IFT80: variants seen among roughly 807,000 people sequenced by gnomAD.
IFT80 encodes the protein intraflagellar transport protein 80 homolog.
In IFT80, 79 loss-of-function variants were observed where a neutral mutation model predicts 107.9. The ratio of observed to expected loss-of-function variants is 0.73; its 90% CI spans 0.61 to 0.88. IFT80 has a LOEUF of 0.88. IFT80 is among the 40% of genes least tolerant of loss of function. The pLI is 0.00. For missense variants in IFT80, 797 were observed against 914.2 expected, an observed-to-expected ratio of 0.87 and a Z score of 1.65; for synonymous variants, 299 against 300.9, an observed-to-expected ratio of 0.99 and a Z score of 0.07.
At chr3:160,390,341 C>T (rs1207214081) in intron 1 of IFT80, among the ~76,000 whole-genome samples, 2 of 151,054 alleles carry the variant, frequency 1.3e-5, no homozygotes, top group South Asian at 2.1e-4. Flanking sequence ...CGCTTGAACC[C>T]GGGAGGCAGA....
rs528282782 is a variant in IFT80, at chr3:160,381,071, C to CA, written c.259+431dup. Among the ~76,000 whole-genome samples, 593 of 150,196 alleles carry CA rather than the reference C, an allele frequency of 3.9e-3. 1 individual carries two copies. Among genetic ancestry groups the CA allele is most frequent in the East Asian group, 0.024 (122 of 5,132 alleles). On this transcript the variant is annotated intron_variant, in intron 3 of 19. Coordinates refer to ENST00000326448, the MANE Select transcript of IFT80 (RefSeq NM_020800.3). ...GCAACAAGATGAGACCCTGTCTCTA[C>CA]AAAAAAAATGTTTTAATTAACCAGA...
At position 160,282,570 on chromosome 3, in the gene IFT80, T is replaced by C. The variant is rs1714768212; in HGVS notation, c.1424A>G (p.Asn475Ser). ...ATCAATGAAAGCAATTTTTCTATCA[T>C]TGGTAAGTCCTTTTTGATCCAGAGC... The part of the protein sequence containing the change: ...EIALDQKGLT[N>S]DRKIAFIDKN... Residue 475 changes from asparagine to serine, a missense_variant, in exon 14 of 20, where the codon AAT becomes AGT. Asn to Ser is a conservative substitution (Grantham distance 46). Transcript: ENST00000326448. The C allele has an allele frequency of 3.1e-6, 5 of 1,593,320 alleles. No individual in the cohort carries two copies. The highest frequency in any genetic ancestry group is 1.7e-4 in the Middle Eastern group (1 of 5,764).
At position 160,336,801 on chromosome 3, in the gene IFT80, C is replaced by T. The variant is rs538517425; in HGVS notation, c.778-16862G>A. Among the ~76,000 whole-genome samples the T allele has an allele frequency of 1.2e-4, 18 of 152,208 alleles. No individual in the cohort carries two copies. In the South Asian group the frequency reaches 3.5e-3, roughly 30 times the overall value. On this transcript the variant is annotated intron_variant, in intron 8 of 19. Coordinates refer to ENST00000326448, the MANE Select transcript of IFT80 (RefSeq NM_020800.3). ...TGTTCTATTTGCTCTCTCTCTTTTT[C>T]TGGGATATATTTTAGTATTCAGGAA...
chr3:160,388,896 G>T (rs890907457), intron 1 of IFT80, among the ~76,000 whole-genome samples: 7 of 152,156 alleles, frequency 4.6e-5, no homozygotes, highest in Admixed American at 4.6e-4. Flanking sequence ...TACAAGCCTA[G>T]TAATGAGGAC....
intron 19 of IFT80, among the ~76,000 whole-genome samples, chr3:160,261,852 G>C (rs545869931): frequency 6.6e-6 from 1 of 151,394 alleles, no homozygotes. Flanking sequence ...AGACCCATGT[G>C]TATATCTGGA....
intron 1 of IFT80, among the ~76,000 whole-genome samples, chr3:160,389,481 TC>T (rs1433165291): frequency 3.0e-5 from 2 of 66,412 alleles, no homozygotes; most frequent in African/African-American, 1.3e-4. Context: ...CCCTCCCCCC[TC>T]CCCCCACCCC....
At chr3:160,259,511 G>A (rs1712648728) in intron 19 of IFT80, among the ~76,000 whole-genome samples, 1 of 152,172 alleles carries the variant, frequency 6.6e-6, no homozygotes, top group Non-Finnish European at 1.5e-5. Context: ...CTTAAAGTAA[G>A]ACATGGTGGT....
At chr3:160,292,147 C>T (rs1715610589) in intron 12 of IFT80, among the ~76,000 whole-genome samples, 1 of 152,224 alleles carries the variant, frequency 6.6e-6, no homozygotes, top group African/African-American at 2.4e-5. Context: ...GATGCCGAGT[C>T]CGCACTGGGC....
At chr3:160,351,545 CATATATTATATGTATATATATAT>C (rs1720697891) in intron 8 of IFT80, among the ~76,000 whole-genome samples, 1 of 145,744 alleles carries the variant, frequency 6.9e-6, no homozygotes, top group African/African-American at 2.5e-5. Flanking sequence ...TATATATACA[CATATATTATATGTATATATATAT>C]ACACACATAT....
chr3:160,366,446 A>G (rs1046941388), intron 5 of IFT80, among the ~76,000 whole-genome samples: 1 of 152,068 alleles, frequency 6.6e-6, no homozygotes, highest in African/African-American at 2.4e-5. Flanking sequence ...CTATTGAAAT[A>G]CATAAGATAA....
intron 18 of IFT80, among the ~76,000 whole-genome samples, chr3:160,275,842 T>A (rs1319577148): frequency 6.6e-6 from 1 of 152,190 alleles, no homozygotes. Flanking sequence ...ATATTCACAC[T>A]GTCTAAACTA....
At chr3:160,397,816 G>A (rs1193340655) in intron 1 of IFT80, among the ~76,000 whole-genome samples, 1 of 149,014 alleles carries the variant, frequency 6.7e-6, no homozygotes, top group Non-Finnish European at 1.5e-5. Flanking sequence ...CCGCCTCCCG[G>A]GTTCAAGAGA....
At chr3:160,306,402 C>T (rs1716830820) in intron 10 of IFT80, among the ~76,000 whole-genome samples, 1 of 152,134 alleles carries the variant, frequency 6.6e-6, no homozygotes, top group South Asian at 2.1e-4. Flanking sequence ...AAACACTGAA[C>T]TGAAAAGATC....
intron 13 of IFT80, among the ~76,000 whole-genome samples, chr3:160,284,751 G>C (rs888690372): frequency 6.6e-6 from 1 of 152,124 alleles, no homozygotes; most frequent in Admixed American, 6.5e-5. Context: ...GGTTGGGAAA[G>C]CACTTTATGT....
chr3:160,305,328 A>G (rs1332944625), intron 10 of IFT80, among the ~76,000 whole-genome samples: 2 of 152,210 alleles, frequency 1.3e-5, no homozygotes, highest in Non-Finnish European at 2.9e-5. Context: ...TAATCATTTC[A>G]GTAAGTAAAT....
At chr3:160,350,932 A>G (rs977682518) in intron 8 of IFT80, among the ~76,000 whole-genome samples, 4 of 152,230 alleles carry the variant, frequency 2.6e-5, no homozygotes, top group Non-Finnish European at 5.9e-5. Context: ...AGAAGGCTGA[A>G]TTACATGATT....
chr3:160,304,036 A>G (rs767716041), intron 10 of IFT80, 47 bp from the exon 11 acceptor site: 2 of 1,170,652 alleles, frequency 1.7e-6, no homozygotes, highest in East Asian at 2.4e-5. Context: ...AAAATACCAA[A>G]TACTTTTAAA....
At chr3:160,267,671 G>A (rs956575875) in intron 19 of IFT80, among the ~76,000 whole-genome samples, 1 of 152,048 alleles carries the variant, frequency 6.6e-6, no homozygotes, top group Non-Finnish European at 1.5e-5. Flanking sequence ...TAGGCAATGG[G>A]GCAAACTCAT....
At chr3:160,315,082 A>AGGGAGGGAGGGG (rs1717705864) in intron 9 of IFT80, among the ~76,000 whole-genome samples, 1 of 46,664 alleles carries the variant, frequency 2.1e-5, no homozygotes, top group African/African-American at 8.3e-5. Context: ...GGAGGGAGGG[A>AGGGAGGGAGGGG]GGGAGGGAAA....
Sources: gnomAD v4.1 joint callset for allele counts (sites outside exome capture counted in the v4.1 genomes callset) on GRCh38, gnomAD v4.1.1 for gene constraint, MANE v1.5 for transcripts, NCBI Gene and HGNC (gene_info 2026-07-23, HGNC 2026-07-21) for gene names.